LDLRAD3: variants seen among roughly 807,000 people sequenced by gnomAD.
LDLRAD3 encodes the protein low density lipoprotein receptor class A domain containing 3, also known as low-density lipoprotein receptor class A domain-containing protein 3.
Under a neutral mutation model 29.4 loss-of-function variants are expected in LDLRAD3, and 20 were observed. The observed-to-expected ratio is 0.68, with a 90% CI of 0.48 to 0.99. The LOEUF (loss-of-function observed/expected upper bound fraction) is 0.99, where lower values mean the gene tolerates loss of function less well. Among genes scored for constraint, LDLRAD3 ranks in the 50% least tolerant of loss-of-function variants. The pLI is 0.00. For missense variants in LDLRAD3, 420 were observed against 454.3 expected (o/e 0.92, Z 0.69); for synonymous variants, 157 against 192.7 (o/e 0.81, Z 1.53).
At chr11:36,123,460 C>A (rs1264711217) in intron 4 of LDLRAD3, among the ~76,000 whole-genome samples, 1 of 152,202 alleles carries the variant, frequency 6.6e-6, no homozygotes, top group African/African-American at 2.4e-5. Flanking sequence ...ATTAGAAGTA[C>A]AAAATCGCAA....
chr11:36,149,970 G>T (rs186529159), intron 4 of LDLRAD3, among the ~76,000 whole-genome samples: 164 of 152,328 alleles, frequency 1.1e-3, no homozygotes, highest in Admixed American at 3.9e-3. Flanking sequence ...CATTCACCAG[G>T]CCAGGGCAGG....
At chr11:35,991,711 T>C (rs945906322) in intron 1 of LDLRAD3, among the ~76,000 whole-genome samples, 1 of 152,186 alleles carries the variant, frequency 6.6e-6, no homozygotes, top group Non-Finnish European at 1.5e-5. Context: ...TAAGCTTCTT[T>C]GGTTACATGG....
chr11:36,152,779 A>G (rs939623774), intron 4 of LDLRAD3, among the ~76,000 whole-genome samples: 2 of 152,150 alleles, frequency 1.3e-5, no homozygotes, highest in Admixed American at 6.5e-5. Context: ...ACTTTACTCC[A>G]TGCACCTTTT....
In LDLRAD3 at chr11:35,975,393, A is replaced by C. The variant is rs1851463095; in HGVS notation, c.46+31249A>C. 2.6e-5 allele frequency among the ~76,000 whole-genome samples: 4 copies of C among 152,214 alleles called. No homozygotes were observed. In the South Asian group the frequency reaches 8.3e-4, roughly 32 times the overall value. On this transcript the variant is annotated intron_variant, in intron 1 of 5. Transcript: ENST00000315571. ...TGTGGAGTGTTTGAGTTGCTGATGG[A>C]TTAGTGCCAATCTCTCTCCCTGAAG...
intron 4 of LDLRAD3, among the ~76,000 whole-genome samples, chr11:36,163,120 C>T (rs745758326): frequency 2.6e-5 from 4 of 152,292 alleles, no homozygotes; most frequent in East Asian, 3.9e-4. Context: ...ACGCATTAGG[C>T]GAGAAGCCAG....
Position 36,229,632 on chromosome 11 carries a change from A to G in LDLRAD3, c.*235A>G. The G allele has an allele frequency of 2.0e-6, 1 of 492,094 alleles. No homozygotes were observed. Among genetic ancestry groups the G allele is most frequent in the Non-Finnish European group, 3.6e-6 (1 of 277,202 alleles). The allele number at this position is 492,094 out of a possible 1,614,324, so 30.5% of individuals were successfully genotyped here. A position where few individuals can be genotyped will look rare whatever the true frequency, so the allele number is the denominator to read the frequency against. On this transcript the variant is annotated 3_prime_UTR_variant, in exon 6 of 6. Coordinates refer to ENST00000315571, the MANE Select transcript of LDLRAD3 (RefSeq NM_174902.4). ...TCTGTCAGGTCACTCTTCCCTTGGG[A>G]CCCGAGATCACACCCTCATTTTTCA...
intron 1 of LDLRAD3, among the ~76,000 whole-genome samples, chr11:35,965,397 T>G (rs1326643535): frequency 6.6e-6 from 1 of 152,208 alleles, no homozygotes; most frequent in East Asian, 1.9e-4. Flanking sequence ...AGGGTGTTCT[T>G]GTAACACACA....
intron 2 of LDLRAD3, among the ~76,000 whole-genome samples, chr11:36,068,097 G>T (rs754966744): frequency 1.1e-4 from 16 of 151,950 alleles, no homozygotes; most frequent in Admixed American, 4.6e-4. Flanking sequence ...TTAGCTAAGG[G>T]CCTCTTGCTA....
chr11:36,055,748 T>C (rs868421289), intron 2 of LDLRAD3, among the ~76,000 whole-genome samples: 3 of 152,244 alleles, frequency 2.0e-5, no homozygotes, highest in Non-Finnish European at 4.4e-5. Context: ...CTCTCGCTTT[T>C]CTCAGCCGTA....
intron 5 of LDLRAD3, among the ~76,000 whole-genome samples, chr11:36,228,011 G>T (rs75851709): frequency 6.6e-6 from 1 of 152,324 alleles, no homozygotes; most frequent in East Asian, 1.9e-4. Flanking sequence ...GCTTTTTTAA[G>T]CAGTACCACA....
chr11:36,111,933 C>G (rs566544842), intron 4 of LDLRAD3, among the ~76,000 whole-genome samples: 1 of 152,348 alleles, frequency 6.6e-6, no homozygotes, highest in African/African-American at 2.4e-5. Context: ...TGTGGAATGC[C>G]TCTAAATGAC....
At chr11:36,044,923 C>T (rs773437133) in intron 2 of LDLRAD3, among the ~76,000 whole-genome samples, 4 of 152,236 alleles carry the variant, frequency 2.6e-5, no homozygotes, top group African/African-American at 7.2e-5. Context: ...ATTTTAATGA[C>T]GATATTTTGC....
intron 4 of LDLRAD3, among the ~76,000 whole-genome samples, chr11:36,142,591 C>T (rs1177367020): frequency 5.9e-5 from 9 of 152,136 alleles, no homozygotes; most frequent in Admixed American, 3.9e-4. Flanking sequence ...TTCCCGCCCC[C>T]GCCTCCTGCA....
At chr11:36,145,978 C>G (rs186042003) in intron 4 of LDLRAD3, among the ~76,000 whole-genome samples, 35 of 142,274 alleles carry the variant, frequency 2.5e-4, no homozygotes, top group African/African-American at 8.8e-4. Flanking sequence ...TCTCCCTCTG[C>G]GAGAAACACC....
chr11:36,060,107 C>G (rs896010293), intron 2 of LDLRAD3, among the ~76,000 whole-genome samples: 3 of 152,166 alleles, frequency 2.0e-5, no homozygotes, highest in African/African-American at 4.8e-5. Context: ...GTAATCCCAG[C>G]ACTTTGGGAG....
chr11:36,146,314 A>G (rs1256177161), intron 4 of LDLRAD3, among the ~76,000 whole-genome samples: 1 of 152,264 alleles, frequency 6.6e-6, no homozygotes, highest in Non-Finnish European at 1.5e-5. Context: ...TAGATAATCC[A>G]TCAGTGATAA....
At chr11:36,224,097 TATAATA>T (rs763241723) in intron 4 of LDLRAD3, among the ~76,000 whole-genome samples, 3 of 148,696 alleles carry the variant, frequency 2.0e-5, no homozygotes, top group Non-Finnish European at 4.5e-5. Flanking sequence ...TATATAATTA[TATAATA>T]ATAATTATTA....
intron 1 of LDLRAD3, among the ~76,000 whole-genome samples, chr11:35,983,639 A>G (rs2133159624): frequency 6.6e-6 from 1 of 152,148 alleles, no homozygotes; most frequent in South Asian, 2.1e-4. Flanking sequence ...TTATTTATTT[A>G]TTTGTTTTTT....
chr11:36,008,489 G>T (rs1590202840), intron 1 of LDLRAD3, among the ~76,000 whole-genome samples: 1 of 152,270 alleles, frequency 6.6e-6, no homozygotes, highest in Middle Eastern at 3.4e-3. Context: ...GTTTGTTGGG[G>T]TCAAGAAATG....
Sources: allele counts gnomAD v4.1 joint callset (sites outside exome capture counted in the v4.1 genomes callset), GRCh38; gene constraint gnomAD v4.1.1; transcripts MANE v1.5; gene names NCBI Gene and HGNC (gene_info 2026-07-23, HGNC 2026-07-21).